The following TPST2 variants were observed in gnomAD, a reference collection of about 807,000 sequenced individuals.
TPST2 encodes the protein protein-tyrosine sulfotransferase 2.
Under a neutral mutation model 27.8 loss-of-function variants are expected in TPST2, and 16 were observed. The ratio of observed to expected loss-of-function variants is 0.58; its 90% CI spans 0.39 to 0.88. The LOEUF (loss-of-function observed/expected upper bound fraction) is 0.88, where lower values mean the gene tolerates loss of function less well. Among genes scored for constraint, TPST2 ranks in the 40% least tolerant of loss-of-function variants. TPST2 has a pLI of 0.00. For synonymous variants in TPST2, 229 were observed against 231.7 expected (o/e 0.99, Z 0.10); for missense variants, 464 against 543.1 (o/e 0.85, Z 1.45).
intron 1 of TPST2, among the ~76,000 whole-genome samples, chr22:26,569,976 GAAA>G (rs1927540771): frequency 2.1e-4 from 1 of 4,762 alleles, no homozygotes; most frequent in Non-Finnish European, 2.7e-4. Context: ...AAGGAAGAAA[GAAA>G]GAAAAGAAAG....
intron 6 of TPST2, among the ~76,000 whole-genome samples, chr22:26,526,983 C>T (rs1924878505): frequency 6.6e-6 from 1 of 152,252 alleles, no homozygotes; most frequent in African/African-American, 2.4e-5. Context: ...AAGGCTGAGG[C>T]ACGAGAGTCA....
intron 5 of TPST2, among the ~76,000 whole-genome samples, chr22:26,530,505 T>G (rs185560383): frequency 1.3e-3 from 202 of 152,130 alleles, no homozygotes; most frequent in Non-Finnish European, 2.2e-3. Flanking sequence ...GAAGCTCTAC[T>G]GAATCATTCC....
chr22:26,583,342 C>T (rs1347471550), intron 1 of TPST2, among the ~76,000 whole-genome samples: 1 of 141,874 alleles, frequency 7.0e-6, no homozygotes, highest in African/African-American at 2.6e-5. Context: ...GAGGCTGAGG[C>T]AGGAGAATCA....
intron 1 of TPST2, among the ~76,000 whole-genome samples, chr22:26,586,563 A>C (rs943526307): frequency 2.6e-5 from 4 of 152,166 alleles, no homozygotes; most frequent in African/African-American, 7.2e-5. Context: ...CTGCTTTCTT[A>C]ATGCACAGGA....
intron 1 of TPST2, among the ~76,000 whole-genome samples, chr22:26,567,368 T>C (rs1927422498): frequency 6.6e-6 from 1 of 152,220 alleles, no homozygotes; most frequent in African/African-American, 2.4e-5. Context: ...AGGCCTAGCC[T>C]GGAAGTTGGT....
rs753002075 is a variant in TPST2, at chr22:26,541,347, C to T, written c.284G>A (p.Arg95His). The T allele has an allele frequency of 5.8e-6, 9 of 1,550,870 alleles. No individual in the cohort carries two copies. Among genetic ancestry groups the T allele is most frequent in the Admixed American group, 1.9e-5 (1 of 52,896 alleles). Reference sequence around the variant, plus strand: ...GATGATGCGGGTCTCCTCGCCGCAGCGCACCTCGGGGTGCGCGTCCAGCAT... The same window carrying T: ...GATGATGCGGGTCTCCTCGCCGCAGTGCACCTCGGGGTGCGCGTCCAGCAT... The part of the protein sequence containing the change: ...RAMLDAHPEV[R>H]CGEETRIIPR... Residue 95 changes from arginine (R) to histidine (H), a missense_variant, in exon 3 of 7, where the codon CGC becomes CAC. Physicochemically the swap from Arg to His is conservative, Grantham distance 29. Transcript: ENST00000338754. The surrounding 1 kb of genome is among the most constrained non-coding windows in gnomAD (Gnocchi z 5.9).
chr22:26,553,155 G>A lies in TPST2; in HGVS notation c.-160-8480C>T, dbSNP rs140857343. Among the ~76,000 whole-genome samples, 146 of 151,886 alleles carry A rather than the reference G, an allele frequency of 9.6e-4. 1 individual carries two copies. The highest frequency in any genetic ancestry group is 3.3e-3 in the African/African-American group (137 of 41,418). ...TCACAAAGCACAAATACAGTGAGCC[G>A]AGGTGGAAGCCAGTTTTGGTTCTGG... On this transcript the variant is annotated intron_variant, in intron 1 of 6. Coordinates refer to ENST00000338754, the MANE Select transcript of TPST2 (RefSeq NM_003595.5).
intron 1 of TPST2, among the ~76,000 whole-genome samples, chr22:26,558,758 A>G (rs553274105): frequency 1.7e-3 from 262 of 152,336 alleles, no homozygotes; most frequent in Admixed American, 3.0e-3. Flanking sequence ...ATTGTCCTTG[A>G]GCACAAAAAC....
At chr22:26,554,849 A>ATTTG in intron 1 of TPST2, among the ~76,000 whole-genome samples, 1 of 152,288 alleles carries the variant, frequency 6.6e-6, no homozygotes, top group Middle Eastern at 3.4e-3. Context: ...GAAGCACAAG[A>ATTTG]ATTGCTTGAA....
At chr22:26,526,806 G>A (rs1464373108) in intron 6 of TPST2, among the ~76,000 whole-genome samples, 3 of 152,106 alleles carry the variant, frequency 2.0e-5, no homozygotes, top group African/African-American at 7.2e-5. Flanking sequence ...GGGTAGGTGT[G>A]GTGGCTCATG....
intron 4 of TPST2, 122 bp from the exon 5 acceptor site, chr22:26,532,867 C>A: frequency 4.9e-6 from 4 of 824,398 alleles, no homozygotes; most frequent in South Asian, 4.7e-5. Context: ...CTCCATCCAA[C>A]AAACATTGCT....
chr22:26,566,450 G>A (rs1927383053), intron 1 of TPST2, among the ~76,000 whole-genome samples: 2 of 152,078 alleles, frequency 1.3e-5, no homozygotes, highest in Admixed American at 1.3e-4. Context: ...ACTCCCGGGA[G>A]GCTGAGGCAG....
At chr22:26,584,242 T>G (rs772903104) in intron 1 of TPST2, among the ~76,000 whole-genome samples, 44 of 152,256 alleles carry the variant, frequency 2.9e-4, no homozygotes, top group Middle Eastern at 3.4e-3. Flanking sequence ...GAGTTGGGAC[T>G]TGGCTGCTTC....
intron 5 of TPST2, among the ~76,000 whole-genome samples, chr22:26,532,120 A>C (rs1050543994): frequency 8.5e-5 from 13 of 152,168 alleles, no homozygotes; most frequent in East Asian, 3.9e-4. Context: ...AACAAGAAAG[A>C]AAGCCCAAGA....
At chr22:26,562,624 CTTTT>C (rs1927166014) in intron 1 of TPST2, among the ~76,000 whole-genome samples, 4 of 134,488 alleles carry the variant, frequency 3.0e-5, no homozygotes, top group Admixed American at 7.6e-5. Context: ...CTTTTCTTTT[CTTTT>C]CTTTTTTTTT....
intron 4 of TPST2, among the ~76,000 whole-genome samples, chr22:26,533,269 G>A (rs1306854072): frequency 6.6e-6 from 1 of 152,048 alleles, no homozygotes; most frequent in Non-Finnish European, 1.5e-5. Context: ...AAAATTAGCT[G>A]GGCATGGTGG....
intron 1 of TPST2, among the ~76,000 whole-genome samples, chr22:26,568,663 C>G (rs1002686677): frequency 4.6e-5 from 7 of 152,134 alleles, no homozygotes; most frequent in African/African-American, 1.7e-4. Context: ...AGAAGTTACC[C>G]TATATGGTCT....
In TPST2 at chr22:26,544,616, C is replaced by A; in HGVS notation, c.-101G>T. 2 of 985,968 alleles carry A rather than the reference C, an allele frequency of 2.0e-6. No individual in the cohort carries two copies. Among genetic ancestry groups the A allele is most frequent in the African/African-American group, 1.7e-5 (1 of 57,364 alleles). The allele number at this position is 985,968 out of a possible 1,614,324, so 61.1% of individuals were successfully genotyped here. On this transcript the variant is annotated 5_prime_UTR_variant, in exon 2 of 7. Transcript: ENST00000338754. ...TAGGTGCACTTACCTCCCTTGGGCA[C>A]TCTCATCTCTGGGCTCCAGCCCTTG...
At chr22:26,554,318 T>A (rs1926659633) in intron 1 of TPST2, among the ~76,000 whole-genome samples, 1 of 152,182 alleles carries the variant, frequency 6.6e-6, no homozygotes, top group Admixed American at 6.5e-5. Flanking sequence ...CCCTGACACC[T>A]GGCACAGCCC....
Sources: allele counts gnomAD v4.1 joint callset (sites outside exome capture counted in the v4.1 genomes callset), GRCh38; gene constraint gnomAD v4.1.1; non-coding constraint Gnocchi (gnomAD v3.1); transcripts MANE v1.5; gene names NCBI Gene and HGNC (gene_info 2026-07-23, HGNC 2026-07-21).